Variants in KCNN2 observed in about 807,000 individuals in gnomAD.
The protein encoded by KCNN2 is small conductance calcium-activated potassium channel protein 2.
Under a neutral mutation model 55.5 loss-of-function variants are expected in KCNN2, and 24 were observed. The ratio of observed to expected loss-of-function variants is 0.43; its 90% CI spans 0.31 to 0.61. The LOEUF is 0.61. Ranked by LOEUF, KCNN2 falls within the 20% of genes least tolerant of loss-of-function variation. KCNN2 has a pLI of 0.08. For synonymous variants in KCNN2, 431 were observed against 336.1 expected (o/e 1.28, Z -3.09); for missense variants, 754 against 853.6 (o/e 0.88, Z 1.45).
intron 2 of KCNN2, among the ~76,000 whole-genome samples, chr5:114,265,379 A>G (rs1488770778): frequency 6.6e-6 from 1 of 151,374 alleles, no homozygotes; most frequent in East Asian, 1.9e-4. Context: ...AAAGAGATTT[A>G]TTATGAGAAA....
At chr5:114,480,909 C>G (rs1402459690) in intron 5 of KCNN2, among the ~76,000 whole-genome samples, 1 of 152,120 alleles carries the variant, frequency 6.6e-6, no homozygotes, top group African/African-American at 2.4e-5. Flanking sequence ...CAGCCAGTAT[C>G]ATAATGGGCA....
chr5:114,241,475 A>G (rs1411463588), intron 2 of KCNN2, among the ~76,000 whole-genome samples: 1 of 151,598 alleles, frequency 6.6e-6, no homozygotes, highest in East Asian at 1.9e-4. Context: ...GAAAACTAAA[A>G]TATACCAAAA....
At chr5:114,191,240 G>A (rs1753442686) in intron 1 of KCNN2, among the ~76,000 whole-genome samples, 1 of 152,148 alleles carries the variant, frequency 6.6e-6, no homozygotes, top group Admixed American at 6.5e-5. Context: ...AGAAACTACT[G>A]TTAGAGATGT....
intron 3 of KCNN2, among the ~76,000 whole-genome samples, chr5:114,423,718 T>C (rs1465171532): frequency 6.6e-6 from 1 of 152,202 alleles, no homozygotes; most frequent in African/African-American, 2.4e-5. Context: ...GTAAACAAAC[T>C]GTCATTTGAG....
chr5:114,427,899 TAA>T (rs1436564430), intron 3 of KCNN2, among the ~76,000 whole-genome samples: 1 of 152,340 alleles, frequency 6.6e-6, no homozygotes, highest in East Asian at 1.9e-4. Flanking sequence ...ACTATTAATC[TAA>T]AAGTGCTAAT....
chr5:114,146,710 G>T (rs1305198894), intron 1 of KCNN2, among the ~76,000 whole-genome samples: 1 of 152,132 alleles, frequency 6.6e-6, no homozygotes, highest in Non-Finnish European at 1.5e-5. Flanking sequence ...TGTACAATTT[G>T]TTTAGCTTGT....
At chr5:114,189,333 A>G (rs1416232240) in intron 1 of KCNN2, among the ~76,000 whole-genome samples, 1 of 152,108 alleles carries the variant, frequency 6.6e-6, no homozygotes, top group Non-Finnish European at 1.5e-5. Context: ...TTCCAGTTTG[A>G]GCACAGGAGG....
intron 1 of KCNN2, among the ~76,000 whole-genome samples, chr5:114,191,888 AG>A (rs1753458067): frequency 6.6e-6 from 1 of 152,224 alleles, no homozygotes; most frequent in African/African-American, 2.4e-5. Flanking sequence ...GGCCTTAGGA[AG>A]TCCAGGCTGA....
At position 114,452,723 on chromosome 5, in the gene KCNN2, G is replaced by A. The variant is rs886338247; in HGVS notation, c.1638-10326G>A. On this transcript the variant is annotated intron_variant, in intron 3 of 7. Coordinates refer to ENST00000673685, the MANE Select transcript of KCNN2 (RefSeq NM_021614.4). ...CAGGATTCCTTTTAACACTTCCCAGGTGGCTCCAATATGCAGCTACAGGTG... is the reference window on the plus strand; with the variant it reads ...CAGGATTCCTTTTAACACTTCCCAGATGGCTCCAATATGCAGCTACAGGTG... 2.6e-5 allele frequency among the ~76,000 whole-genome samples: 4 copies of A among 152,248 alleles called. No homozygotes were observed. The East Asian group carries it at 7.7e-4, about 29-fold the overall frequency.
intron 2 of KCNN2, among the ~76,000 whole-genome samples, chr5:114,380,158 A>G (rs1049992146): frequency 6.6e-6 from 1 of 152,162 alleles, no homozygotes; most frequent in South Asian, 2.1e-4. Context: ...AAAAGTGTCA[A>G]TAAACAACAT....
chr5:114,056,206 C>G (rs1750202321), exon 1 of KCNN2: 2 of 394,626 alleles, frequency 5.1e-6, no homozygotes, highest in South Asian at 2.8e-4. Flanking sequence ...CTGGCTCGCC[C>G]GCGCCCGCGC....
chr5:114,241,738 ATACG>A (rs1267092283), intron 2 of KCNN2, among the ~76,000 whole-genome samples: 1 of 26,474 alleles, frequency 3.8e-5, no homozygotes, highest in African/African-American at 1.3e-4. Context: ...ATATACATAT[ATACG>A]TATATATATG....
chr5:114,305,709 A>G (rs780977854), intron 2 of KCNN2, among the ~76,000 whole-genome samples: 10 of 152,326 alleles, frequency 6.6e-5, no homozygotes, highest in Middle Eastern at 6.8e-3. Flanking sequence ...CTAGTTGCAC[A>G]GTAGGAACAA....
intron 1 of KCNN2, among the ~76,000 whole-genome samples, chr5:114,219,503 A>G (rs1259003755): frequency 2.0e-5 from 3 of 152,188 alleles, no homozygotes; most frequent in African/African-American, 7.2e-5. Context: ...GTCTCTGGCC[A>G]GATTCTTCTT....
chr5:114,092,160 G>A (rs1751158460), intron 1 of KCNN2, among the ~76,000 whole-genome samples: 1 of 152,164 alleles, frequency 6.6e-6, no homozygotes, highest in Non-Finnish European at 1.5e-5. Context: ...GCGGGGGTGG[G>A]TACAGGCATT....
intron 1 of KCNN2, among the ~76,000 whole-genome samples, chr5:114,196,934 G>A (rs545028203): frequency 6.6e-6 from 1 of 151,924 alleles, no homozygotes; most frequent in Non-Finnish European, 1.5e-5. Context: ...AAAAGGTGAG[G>A]TTATTGATTG....
intron 3 of KCNN2, among the ~76,000 whole-genome samples, chr5:114,419,410 T>G (rs1002744167): frequency 6.6e-6 from 1 of 152,246 alleles, no homozygotes; most frequent in Admixed American, 6.5e-5. Flanking sequence ...CAAATTTGTT[T>G]TAAGCACAAT....
In KCNN2 at chr5:114,232,605, A is replaced by G. The variant is rs558269928; in HGVS notation, c.-185+11040A>G. ...CAGGCTTAACCAAAAGTTTTTCCAA[A>G]TCTTTCCTATTGTCATCTTTTGATG... On this transcript the variant is annotated intron_variant, in intron 2 of 10. Coordinates refer to the KCNN2 transcript ENST00000512097. 3.3e-5 allele frequency among the ~76,000 whole-genome samples: 5 copies of G among 150,714 alleles called. No individual in the cohort carries two copies. In the South Asian group the frequency reaches 8.3e-4, roughly 25 times the overall value.
chr5:114,057,114 C>T (rs1750226393), intron 1 of KCNN2: 1 of 152,190 alleles, frequency 6.6e-6, no homozygotes, highest in African/African-American at 2.4e-5. Flanking sequence ...TGGGAATGCG[C>T]ATCTGCAAGA....
Sources: allele counts gnomAD v4.1 joint callset (sites outside exome capture counted in the v4.1 genomes callset), GRCh38; gene constraint gnomAD v4.1.1; transcripts MANE v1.5; gene names NCBI Gene and HGNC (gene_info 2026-07-23, HGNC 2026-07-21).